Variants in ZDHHC14 observed in about 807,000 individuals in gnomAD.
ZDHHC14 encodes palmitoyltransferase ZDHHC14.
A neutral mutation model predicts 47.7 loss-of-function variants in ZDHHC14; 16 were observed. The ratio of observed to expected loss-of-function variants is 0.34; its 90% CI spans 0.23 to 0.51. The LOEUF (loss-of-function observed/expected upper bound fraction) is 0.51, where lower values mean the gene tolerates loss of function less well. ZDHHC14 is among the 20% of genes least tolerant of loss of function. The probability of loss-of-function intolerance (pLI) is 0.97; values close to 1 mark genes in which losing one functional copy is unlikely to be tolerated. For synonymous variants in ZDHHC14, 293 were observed against 278.9 expected (o/e 1.05, Z -0.50); for missense variants, 515 against 662.5 (o/e 0.78, Z 2.44).
chr6:157,613,668 C>T (rs1315698237), intron 3 of ZDHHC14, among the ~76,000 whole-genome samples: 1 of 152,142 alleles, frequency 6.6e-6, no homozygotes, highest in Admixed American at 6.5e-5. Flanking sequence ...TTCAAGCAGC[C>T]TTGTTGGAGC....
intron 2 of ZDHHC14, among the ~76,000 whole-genome samples, chr6:157,547,099 C>T (rs1246519055): frequency 2.0e-5 from 3 of 152,186 alleles, no homozygotes; most frequent in Admixed American, 6.5e-5. Flanking sequence ...ATCTGAAGAC[C>T]GATTACCTCC....
chr6:157,559,493 T>A (rs1226431846), intron 2 of ZDHHC14, among the ~76,000 whole-genome samples: 1 of 152,226 alleles, frequency 6.6e-6, no homozygotes, highest in Non-Finnish European at 1.5e-5. Flanking sequence ...TGTGCCTGCA[T>A]GAGTGGAAAG....
At chr6:157,442,105 C>T (rs1386884591) in intron 1 of ZDHHC14, among the ~76,000 whole-genome samples, 3 of 152,090 alleles carry the variant, frequency 2.0e-5, no homozygotes, top group South Asian at 2.1e-4. Context: ...TTTTTGAAAA[C>T]TTCATCTGAG....
intron 1 of ZDHHC14, among the ~76,000 whole-genome samples, chr6:157,461,933 G>A (rs1359962469): frequency 1.3e-5 from 2 of 152,188 alleles, no homozygotes; most frequent in African/African-American, 4.8e-5. Context: ...TACACTAAAG[G>A]TCTGCCACAA....
At chr6:157,454,416 T>C (rs932480835) in intron 1 of ZDHHC14, among the ~76,000 whole-genome samples, 2 of 152,184 alleles carry the variant, frequency 1.3e-5, no homozygotes, top group African/African-American at 2.4e-5. Context: ...CTCCTTGCTA[T>C]GAAATGTGTG....
intron 1 of ZDHHC14, among the ~76,000 whole-genome samples, chr6:157,460,330 TTGAGACTGCAG>T: frequency 7.1e-6 from 1 of 140,162 alleles, no homozygotes; most frequent in South Asian, 2.2e-4. Context: ...GCCCATGAAG[TTGAGACTGCAG>T]TGAGCTATGA....
intron 8 of ZDHHC14, among the ~76,000 whole-genome samples, chr6:157,659,458 G>A (rs1446384736): frequency 6.6e-6 from 1 of 152,160 alleles, no homozygotes; most frequent in East Asian, 1.9e-4. Context: ...GTCAAAACAC[G>A]GACAAATGAG....
intron 3 of ZDHHC14, among the ~76,000 whole-genome samples, chr6:157,596,749 A>G (rs1784150006): frequency 6.6e-6 from 1 of 152,094 alleles, no homozygotes; most frequent in Non-Finnish European, 1.5e-5. Context: ...TTTGAAGATT[A>G]ACTGAGATAG....
At chr6:157,509,966 C>T (rs572389657) in intron 1 of ZDHHC14, among the ~76,000 whole-genome samples, 15 of 152,312 alleles carry the variant, frequency 9.8e-5, no homozygotes, top group East Asian at 1.9e-4. Flanking sequence ...ACTTCATGGC[C>T]GGGTGCGGTG....
At chr6:157,492,926 G>A (rs1779963832) in intron 1 of ZDHHC14, among the ~76,000 whole-genome samples, 1 of 152,184 alleles carries the variant, frequency 6.6e-6, no homozygotes, top group African/African-American at 2.4e-5. Context: ...CTGTGGGAAG[G>A]GAAGGCAGGG....
At chr6:157,411,494 T>C (rs1240881086) in intron 1 of ZDHHC14, among the ~76,000 whole-genome samples, 3 of 152,360 alleles carry the variant, frequency 2.0e-5, no homozygotes, top group East Asian at 1.9e-4. Context: ...GTAGGATCTG[T>C]AGTCTAGCTC....
At chr6:157,452,246 A>ATTTTTTT (rs35501167) in intron 1 of ZDHHC14, among the ~76,000 whole-genome samples, 1 of 149,940 alleles carries the variant, frequency 6.7e-6, no homozygotes. Context: ...AGTACCTAGT[A>ATTTTTTT]TTTTTTTTTT....
chr6:157,426,520 C>A (rs929890831), intron 1 of ZDHHC14, among the ~76,000 whole-genome samples: 1 of 152,090 alleles, frequency 6.6e-6, no homozygotes, highest in South Asian at 2.1e-4. Context: ...GAGGGGCCTA[C>A]GGGGCACTCA....
At chr6:157,454,279 C>A (rs983441177) in intron 1 of ZDHHC14, among the ~76,000 whole-genome samples, 1 of 152,188 alleles carries the variant, frequency 6.6e-6, no homozygotes, top group African/African-American at 2.4e-5. Flanking sequence ...GCACTGCCTA[C>A]ATATTTTCCT....
intron 1 of ZDHHC14, among the ~76,000 whole-genome samples, chr6:157,433,711 T>G (rs1048288865): frequency 4.6e-5 from 7 of 152,356 alleles, no homozygotes; most frequent in African/African-American, 1.7e-4. Context: ...TGCTCACACA[T>G]GCACACAGAC....
intron 5 of ZDHHC14, among the ~76,000 whole-genome samples, chr6:157,636,893 C>A (rs974554020): frequency 2.6e-5 from 4 of 152,146 alleles, no homozygotes; most frequent in African/African-American, 9.7e-5. Flanking sequence ...CCACTGACGC[C>A]CCTCCCCTCA....
intron 1 of ZDHHC14, among the ~76,000 whole-genome samples, chr6:157,405,945 C>A (rs1200360646): frequency 6.6e-6 from 1 of 152,196 alleles, no homozygotes; most frequent in African/African-American, 2.4e-5. Flanking sequence ...GGTTATTCCC[C>A]ATCCCCCACC....
chr6:157,495,690 G>A (rs1398524117), intron 1 of ZDHHC14, among the ~76,000 whole-genome samples: 2 of 139,720 alleles, frequency 1.4e-5, no homozygotes, highest in Admixed American at 8.2e-5. Context: ...AGAAGTTCGG[G>A]TTGAATTTTT....
intron 1 of ZDHHC14, among the ~76,000 whole-genome samples, chr6:157,440,403 C>T (rs1425906799): frequency 6.6e-6 from 1 of 152,088 alleles, no homozygotes; most frequent in African/African-American, 2.4e-5. Flanking sequence ...ATAAAAGGAA[C>T]ATACAAGTGT....
Sources: allele counts gnomAD v4.1 joint callset (sites outside exome capture counted in the v4.1 genomes callset), GRCh38; gene constraint gnomAD v4.1.1; transcripts MANE v1.5; gene names NCBI Gene and HGNC (gene_info 2026-07-23, HGNC 2026-07-21).